CACNA1E: variants seen among roughly 807,000 people sequenced by gnomAD.
The protein encoded by CACNA1E is voltage-dependent R-type calcium channel subunit alpha-1E.
CACNA1E carries 40 observed loss-of-function variants against 259.2 expected under a neutral mutation model. That is an observed-to-expected ratio of 0.15 (90% confidence interval 0.12 to 0.20). CACNA1E has a LOEUF of 0.20. CACNA1E is among the 10% of genes least tolerant of loss of function. The probability of loss-of-function intolerance (pLI) is 1.00; values close to 1 mark genes in which losing one functional copy is unlikely to be tolerated. For synonymous variants in CACNA1E, 1,104 were observed against 1,138.5 expected (o/e 0.97, Z 0.61); for missense variants, 1,874 against 3,040.1 (o/e 0.62, Z 9.02).
At chr1:181,378,604 A>G (rs1655253923) in intron 1 of CACNA1E, among the ~76,000 whole-genome samples, 1 of 152,230 alleles carries the variant, frequency 6.6e-6, no homozygotes, top group African/African-American at 2.4e-5. Flanking sequence ...GAGTACTTAT[A>G]AGTGCATGTA....
intron 2 of CACNA1E, among the ~76,000 whole-genome samples, chr1:181,466,568 C>T (rs140987363): frequency 6.8e-5 from 7 of 102,630 alleles, no homozygotes; most frequent in Admixed American, 1.9e-4. Flanking sequence ...AAAAATAAAA[C>T]AAAGCAAAGC....
chr1:181,343,193 G>A (rs1215403216), intron 1 of CACNA1E, among the ~76,000 whole-genome samples: 2 of 152,036 alleles, frequency 1.3e-5, no homozygotes, highest in Admixed American at 6.5e-5. Context: ...GGAGGAGGCT[G>A]GAGGGAGAGA....
At chr1:181,710,216 C>T in intron 7 of CACNA1E, among the ~76,000 whole-genome samples, 1 of 151,968 alleles carries the variant, frequency 6.6e-6, no homozygotes, top group Admixed American at 6.5e-5. Flanking sequence ...ACCACCTTCC[C>T]ACTGGCTTTA....
chr1:181,596,179 G>A (rs903826792), intron 6 of CACNA1E, among the ~76,000 whole-genome samples: 4 of 152,154 alleles, frequency 2.6e-5, no homozygotes, highest in Non-Finnish European at 1.5e-5. Context: ...GTAGTGGAAG[G>A]CATGGTGTGC....
intron 1 of CACNA1E, among the ~76,000 whole-genome samples, chr1:181,362,319 T>A (rs148110334): frequency 6.6e-6 from 1 of 152,220 alleles, no homozygotes; most frequent in East Asian, 1.9e-4. Context: ...AATGGAAGAA[T>A]GGACTGGTAT....
At chr1:181,432,518 G>A (rs1571862171) in intron 2 of CACNA1E, among the ~76,000 whole-genome samples, 2 of 151,966 alleles carry the variant, frequency 1.3e-5, no homozygotes, top group Admixed American at 6.6e-5. Flanking sequence ...AGGACATTGA[G>A]AAAAAAAATC....
At chr1:181,516,939 C>T (rs1180677953) in intron 3 of CACNA1E, among the ~76,000 whole-genome samples, 2 of 150,086 alleles carry the variant, frequency 1.3e-5, no homozygotes, top group African/African-American at 4.9e-5. Flanking sequence ...GCAGGTGTGT[C>T]TGTGCCTGGC....
chr1:181,749,414 C>A (rs1332983911), intron 25 of CACNA1E, among the ~76,000 whole-genome samples: 1 of 152,170 alleles, frequency 6.6e-6, no homozygotes, highest in African/African-American at 2.4e-5. Flanking sequence ...GGGATCTCTT[C>A]CAGCTCAGAA....
intron 2 of CACNA1E, among the ~76,000 whole-genome samples, chr1:181,430,940 A>G (rs1002094763): frequency 3.9e-5 from 6 of 152,220 alleles, no homozygotes; most frequent in African/African-American, 1.4e-4. Context: ...TCTATAGGAC[A>G]ATATGTGCTT....
At chr1:181,369,871 G>A (rs1334833237) in intron 1 of CACNA1E, among the ~76,000 whole-genome samples, 2 of 152,058 alleles carry the variant, frequency 1.3e-5, no homozygotes, top group African/African-American at 4.8e-5. Flanking sequence ...TGTGTCATGG[G>A]GGTTTGAGGT....
intron 3 of CACNA1E, among the ~76,000 whole-genome samples, chr1:181,561,536 A>C (rs184629470): frequency 1.8e-4 from 28 of 152,162 alleles, no homozygotes; most frequent in Non-Finnish European, 5.9e-5. Context: ...CATAAATGGG[A>C]AGAGGAGTCT....
chr1:181,759,372 C>T (rs1443392973), intron 32 of CACNA1E, among the ~76,000 whole-genome samples: 1 of 149,436 alleles, frequency 6.7e-6, no homozygotes, highest in African/African-American at 2.5e-5. Context: ...CCTATAAAGG[C>T]TAATGACCTT....
At chr1:181,335,201 A>G (rs1490302156) in intron 1 of CACNA1E, among the ~76,000 whole-genome samples, 1 of 151,806 alleles carries the variant, frequency 6.6e-6, no homozygotes, top group Non-Finnish European at 1.5e-5. Flanking sequence ...TCTCTAGCAA[A>G]CAGGATCCAC....
intron 1 of CACNA1E, among the ~76,000 whole-genome samples, chr1:181,338,174 C>G (rs1651864775): frequency 6.6e-6 from 1 of 152,174 alleles, no homozygotes; most frequent in Non-Finnish European, 1.5e-5. Context: ...CAACCTCTGC[C>G]TCCCAGGTTC....
chr1:181,641,672 A>T (rs1389494079), intron 6 of CACNA1E, among the ~76,000 whole-genome samples: 7 of 151,014 alleles, frequency 4.6e-5, no homozygotes, highest in Non-Finnish European at 1.0e-4. Context: ...GGTAGCTTTC[A>T]AATGAGATCA....
chr1:181,327,304 C>G (rs1650871423), intron 1 of CACNA1E, among the ~76,000 whole-genome samples: 1 of 152,194 alleles, frequency 6.6e-6, no homozygotes, highest in Non-Finnish European at 1.5e-5. Context: ...ATCCTTAACA[C>G]TTGACTTTGA....
At chr1:181,577,932 C>T (rs930584291) in intron 4 of CACNA1E, 63 bp downstream of exon 4, 1 of 1,098,324 alleles carries the variant, frequency 9.1e-7, no homozygotes, top group Admixed American at 2.0e-5. Context: ...CAGCTGGATC[C>T]AGGTCTAAGG....
chr1:181,435,476 C>T (rs910465837), intron 2 of CACNA1E, among the ~76,000 whole-genome samples: 10 of 152,210 alleles, frequency 6.6e-5, no homozygotes, highest in Non-Finnish European at 1.3e-4. Context: ...AATGTTCCTT[C>T]TATCTAGAAC....
At chr1:181,696,830 C>G (rs1453061910) in intron 7 of CACNA1E, among the ~76,000 whole-genome samples, 1 of 152,120 alleles carries the variant, frequency 6.6e-6, no homozygotes, top group African/African-American at 2.4e-5. Context: ...ATTGGTAGAG[C>G]GTGATTACTT....
Sources: gnomAD v4.1 joint callset for allele counts (sites outside exome capture counted in the v4.1 genomes callset) on GRCh38, gnomAD v4.1.1 for gene constraint, MANE v1.5 for transcripts, NCBI Gene and HGNC (gene_info 2026-07-23, HGNC 2026-07-21) for gene names.